LHFPL6: variants seen among roughly 807,000 people sequenced by gnomAD.
LHFPL6 encodes the protein LHFPL tetraspan subfamily member 6, also known as LHFPL tetraspan subfamily member 6 protein.
LHFPL6 carries 9 observed loss-of-function variants against 20.6 expected under a neutral mutation model. The observed-to-expected ratio is 0.44, with a 90% CI of 0.26 to 0.76. The LOEUF is 0.76. Ranked by LOEUF, LHFPL6 falls within the 30% of genes least tolerant of loss-of-function variation. The pLI is 0.20. For missense variants in LHFPL6, 218 were observed against 253.5 expected, an observed-to-expected ratio of 0.86 and a Z score of 0.95; for synonymous variants, 105 against 98.7, an observed-to-expected ratio of 1.06 and a Z score of -0.38.
chr13:39,440,523 G>T (rs1319430281), intron 2 of LHFPL6, among the ~76,000 whole-genome samples: 1 of 152,092 alleles, frequency 6.6e-6, no homozygotes, highest in South Asian at 2.1e-4. Context: ...AAATACATAG[G>T]CACTTTCTTT....
At chr13:39,443,706 G>A (rs958079201) in intron 2 of LHFPL6, among the ~76,000 whole-genome samples, 5 of 152,002 alleles carry the variant, frequency 3.3e-5, no homozygotes, top group African/African-American at 9.7e-5. Flanking sequence ...TAAGAAGCAA[G>A]ATATAGATGG....
intron 2 of LHFPL6, among the ~76,000 whole-genome samples, chr13:39,434,008 C>G (rs1046294200): frequency 6.6e-6 from 1 of 152,162 alleles, no homozygotes; most frequent in Non-Finnish European, 1.5e-5. Context: ...ATGACTCTTA[C>G]AGACTCTTGT....
intron 2 of LHFPL6, among the ~76,000 whole-genome samples, chr13:39,530,181 C>T (rs1029428282): frequency 6.7e-6 from 1 of 149,600 alleles, no homozygotes; most frequent in Admixed American, 6.7e-5. Flanking sequence ...ACTCAGGAGG[C>T]TTAAAAAAGA....
chr13:39,426,967 T>A (rs1026898557), intron 2 of LHFPL6, among the ~76,000 whole-genome samples: 2 of 152,146 alleles, frequency 1.3e-5, no homozygotes, highest in South Asian at 4.1e-4. Flanking sequence ...TTTCATTTTG[T>A]TGCATTTAAA....
At chr13:39,438,864 T>C (rs1323735074) in intron 2 of LHFPL6, among the ~76,000 whole-genome samples, 1 of 152,198 alleles carries the variant, frequency 6.6e-6, no homozygotes, top group Non-Finnish European at 1.5e-5. Flanking sequence ...TCAGAGGATG[T>C]ACAGAAAAGC....
At chr13:39,347,080 C>CA (rs11328909) in intron 3 of LHFPL6, among the ~76,000 whole-genome samples, 1,148 of 76,250 alleles carry the variant, frequency 0.015, 7 homozygotes, top group African/African-American at 0.032. Flanking sequence ...ACTCTGTCTC[C>CA]AAAAAAAAAA....
chr13:39,478,051 G>T (rs990682691), intron 2 of LHFPL6, among the ~76,000 whole-genome samples: 1 of 152,150 alleles, frequency 6.6e-6, no homozygotes, highest in East Asian at 1.9e-4. Context: ...TCAAGAAAAT[G>T]TTCCAAAATC....
At chr13:39,570,267 A>C (rs113061616) in intron 2 of LHFPL6, among the ~76,000 whole-genome samples, 3,734 of 152,246 alleles carry the variant, frequency 0.025, 154 homozygotes, top group East Asian at 0.15. Context: ...CAGCCTCCTG[A>C]ATAGCCAGGA....
chr13:39,348,379 C>T (rs544677015), intron 3 of LHFPL6, among the ~76,000 whole-genome samples: 21 of 152,318 alleles, frequency 1.4e-4, no homozygotes, highest in African/African-American at 4.6e-4. Flanking sequence ...GTGTGACCCA[C>T]AGCCAGCGAT....
intron 2 of LHFPL6, among the ~76,000 whole-genome samples, chr13:39,382,593 T>C (rs1034360113): frequency 1.1e-4 from 16 of 152,110 alleles, no homozygotes; most frequent in African/African-American, 3.9e-4. Context: ...TTTCACCATG[T>C]TGGTCAGGTT....
chr13:39,520,548 G>A (rs1480141102), intron 2 of LHFPL6, among the ~76,000 whole-genome samples: 1 of 152,146 alleles, frequency 6.6e-6, no homozygotes, highest in East Asian at 1.9e-4. Flanking sequence ...GTGACGAACT[G>A]GGCAAATTAA....
rs894631404 is a variant in LHFPL6, at chr13:39,398,644, A to G, written c.386-20118T>C. Among the ~76,000 whole-genome samples the G allele has an allele frequency of 2.6e-5, 4 of 152,262 alleles. No homozygotes were observed. In the East Asian group the frequency reaches 7.7e-4, roughly 29 times the overall value. ...TAACCAAGTGCCACCAGCCTCTAAA[A>G]CAGGGGTCCCCATCCCCTGGGCCAC... On this transcript the variant is annotated intron_variant, in intron 2 of 3. Coordinates refer to ENST00000379589, the MANE Select transcript of LHFPL6 (RefSeq NM_005780.3).
At chr13:39,348,065 G>T (rs1319351307) in intron 3 of LHFPL6, among the ~76,000 whole-genome samples, 2 of 152,176 alleles carry the variant, frequency 1.3e-5, no homozygotes, top group Non-Finnish European at 2.9e-5. Context: ...GCTAGTAAAG[G>T]GTTGGCTATC....
rs541309348 is a variant in LHFPL6 at position 39,505,587 on chromosome 13, T to G, written c.385+95245A>C. Reference sequence around the variant, plus strand: ...AGAAGGCAGAGTTTAATCAACTAGTTCAATTCCTGAGAGGCTGATTTTGGC... The same window carrying G: ...AGAAGGCAGAGTTTAATCAACTAGTGCAATTCCTGAGAGGCTGATTTTGGC... On this transcript the variant is annotated intron_variant, in intron 2 of 3. Coordinates refer to ENST00000379589, the MANE Select transcript of LHFPL6 (RefSeq NM_005780.3). 1.9e-3 allele frequency among the ~76,000 whole-genome samples: 295 copies of G among 152,240 alleles called. 2 individuals are homozygous for G. Among genetic ancestry groups the G allele is most frequent in the Admixed American group, 3.9e-3 (60 of 15,298 alleles).
At chr13:39,514,475 T>C (rs1869833783) in intron 2 of LHFPL6, among the ~76,000 whole-genome samples, 1 of 152,218 alleles carries the variant, frequency 6.6e-6, no homozygotes, top group South Asian at 2.1e-4. Context: ...CAGTAGGTAT[T>C]GTACCTGCTC....
At chr13:39,373,161 C>T (rs1870202919) in intron 3 of LHFPL6, among the ~76,000 whole-genome samples, 1 of 152,128 alleles carries the variant, frequency 6.6e-6, no homozygotes, top group South Asian at 2.1e-4. Flanking sequence ...AGTAAACAGG[C>T]CTCAAACATC....
At chr13:39,508,111 G>A (rs1005649768) in intron 2 of LHFPL6, among the ~76,000 whole-genome samples, 7 of 150,686 alleles carry the variant, frequency 4.6e-5, no homozygotes, top group African/African-American at 7.3e-5. Context: ...ATCAATTTCC[G>A]CCTCCCAGGT....
chr13:39,513,727 G>C (rs546074320), intron 2 of LHFPL6, among the ~76,000 whole-genome samples: 3 of 152,290 alleles, frequency 2.0e-5, no homozygotes, highest in African/African-American at 7.2e-5. Context: ...CTACACTTCA[G>C]AGAGGATAAG....
intron 3 of LHFPL6, among the ~76,000 whole-genome samples, chr13:39,357,623 T>C (rs1869760281): frequency 6.6e-6 from 1 of 152,230 alleles, no homozygotes; most frequent in African/African-American, 2.4e-5. Context: ...AAAAGCTTCC[T>C]AGTACTCTTC....
Sources: allele counts gnomAD v4.1 joint callset (sites outside exome capture counted in the v4.1 genomes callset), GRCh38; gene constraint gnomAD v4.1.1; transcripts MANE v1.5; gene names NCBI Gene and HGNC (gene_info 2026-07-23, HGNC 2026-07-21).